Variants in MALRD1 observed in about 807,000 individuals in gnomAD.
MALRD1 encodes the protein MAM and LDL-receptor class A domain-containing protein 1.
In MALRD1, 247 loss-of-function variants were observed where a neutral mutation model predicts 242.1. The ratio of observed to expected loss-of-function variants is 1.02; its 90% CI spans 0.92 to 1.13. The LOEUF is 1.13. Ranked by LOEUF, MALRD1 falls within the 50% of genes most tolerant of loss-of-function variation. The pLI is 0.00. For missense variants in MALRD1, 2,989 were observed against 2,533.1 expected (o/e 1.18, Z -3.86); for synonymous variants, 995 against 866.6 (o/e 1.15, Z -2.60).
At chr10:19,109,633 A>G (rs1836604973) in intron 5 of MALRD1, among the ~76,000 whole-genome samples, 1 of 152,190 alleles carries the variant, frequency 6.6e-6, no homozygotes, top group Admixed American at 6.5e-5. Flanking sequence ...AGCTTCTTGG[A>G]TGGAGAATGG....
Position 19,669,645 on chromosome 10 carries a change from A to G in MALRD1, c.6138-22637A>G, listed in dbSNP as rs1589380888. On this transcript the variant is annotated intron_variant, in intron 36 of 39. Transcript: ENST00000454679. ...TTTAGGAATTAGCCATAAAGCCTAG[A>G]GAACTGAGCAAATGAAAATAAATTA... 3.3e-5 allele frequency among the ~76,000 whole-genome samples: 5 copies of G among 152,372 alleles called. No individual in the cohort carries two copies. In the South Asian group the frequency reaches 1.0e-3, roughly 32 times the overall value.
chr10:19,661,561 C>CA (rs1273026192), intron 36 of MALRD1, among the ~76,000 whole-genome samples: 12 of 152,102 alleles, frequency 7.9e-5, no homozygotes, highest in Admixed American at 5.9e-4. Flanking sequence ...TGCATGTTCT[C>CA]ACTCATAGGT....
intron 29 of MALRD1, among the ~76,000 whole-genome samples, chr10:19,450,700 A>G (rs1008306491): frequency 2.0e-5 from 3 of 152,360 alleles, no homozygotes; most frequent in South Asian, 2.1e-4. Context: ...ACAAAATGCC[A>G]TAAGCTGGGT....
At chr10:19,306,075 C>CTATATACTATATATACTATATATAG (rs756196876) in intron 21 of MALRD1, among the ~76,000 whole-genome samples, 3 of 111,804 alleles carry the variant, frequency 2.7e-5, no homozygotes, top group African/African-American at 1.1e-4. Context: ...ACTATATATA[C>CTATATACTATATATACTATATATAG]TATATACTAT....
chr10:19,550,971 C>T (rs1002165986), intron 32 of MALRD1, among the ~76,000 whole-genome samples: 9 of 152,144 alleles, frequency 5.9e-5, no homozygotes, highest in African/African-American at 2.2e-4. Context: ...ACCTTGCCAG[C>T]ATCTGTTATT....
intron 4 of MALRD1, among the ~76,000 whole-genome samples, chr10:19,097,682 G>A (rs1202750052): frequency 6.6e-6 from 1 of 152,124 alleles, no homozygotes; most frequent in Non-Finnish European, 1.5e-5. Flanking sequence ...CAGAAAGCTA[G>A]GTATTCCTAG....
intron 39 of MALRD1, among the ~76,000 whole-genome samples, chr10:19,731,492 T>TTGTGTGTGTGTGTGTGTGTGTG (rs199973822): frequency 2.1e-4 from 31 of 146,988 alleles, no homozygotes; most frequent in African/African-American, 6.7e-4. Context: ...ATAGTTTACT[T>TTGTGTGTGTGTGTGTGTGTGTG]TGTGTGTGTG....
intron 34 of MALRD1, among the ~76,000 whole-genome samples, chr10:19,599,078 A>G (rs1247432870): frequency 6.6e-6 from 1 of 152,134 alleles, no homozygotes; most frequent in Non-Finnish European, 1.5e-5. Context: ...TTAAGAGCAA[A>G]TGGGAAATGT....
chr10:19,456,769 T>G (rs1040310219), intron 29 of MALRD1, among the ~76,000 whole-genome samples: 1 of 148,878 alleles, frequency 6.7e-6, no homozygotes, highest in Non-Finnish European at 1.5e-5. Flanking sequence ...ATTTATTTAT[T>G]TATTTATTTA....
At chr10:19,622,354 A>G (rs1043478854) in intron 36 of MALRD1, among the ~76,000 whole-genome samples, 5 of 151,780 alleles carry the variant, frequency 3.3e-5, no homozygotes, top group Non-Finnish European at 7.4e-5. Context: ...AAAGGAAAAA[A>G]TGAAAAAACT....
At chr10:19,156,298 C>T (rs1365959222) in intron 12 of MALRD1, among the ~76,000 whole-genome samples, 1 of 150,750 alleles carries the variant, frequency 6.6e-6, no homozygotes, top group Non-Finnish European at 1.5e-5. Flanking sequence ...CTTTTCCTTT[C>T]TTTTGTTTTT....
intron 29 of MALRD1, among the ~76,000 whole-genome samples, chr10:19,456,253 G>T (rs1057356910): frequency 1.3e-5 from 2 of 152,104 alleles, no homozygotes; most frequent in Non-Finnish European, 2.9e-5. Context: ...TAAAATAAAA[G>T]AAGCTGGCAT....
In MALRD1 at chr10:19,723,538, C is replaced by A. The variant is rs1332666227; in HGVS notation, c.6315-7168C>A. Among the ~76,000 whole-genome samples, 2 of 151,948 alleles carry A rather than the reference C, an allele frequency of 1.3e-5. 1 individual carries two copies. Among genetic ancestry groups the A allele is most frequent in the East Asian group, 3.9e-4 (2 of 5,164 alleles). On this transcript the variant is annotated intron_variant, in intron 38 of 39. Transcript: ENST00000454679. ...TGCTTGAGGTCAGGAGTTTTGAGTT[C>A]AAGACCAGACTGGACAATATAGCAA...
At chr10:19,333,039 T>C (rs1011447377) in intron 24 of MALRD1, among the ~76,000 whole-genome samples, 2 of 152,066 alleles carry the variant, frequency 1.3e-5, no homozygotes, top group Non-Finnish European at 2.9e-5. Context: ...CAGGCCCTGG[T>C]GTATGATGTT....
intron 7 of MALRD1, among the ~76,000 whole-genome samples, chr10:19,125,530 CT>C (rs144620475): frequency 6.8e-6 from 1 of 146,160 alleles, no homozygotes; most frequent in African/African-American, 2.5e-5. Flanking sequence ...ATTCTTTTTG[CT>C]TTTTTTTCTT....
At chr10:19,115,370 T>A (rs1836834988) in intron 5 of MALRD1, among the ~76,000 whole-genome samples, 1 of 151,830 alleles carries the variant, frequency 6.6e-6, no homozygotes, top group Admixed American at 6.6e-5. Context: ...CAGACCCCCA[T>A]GACACGAATT....
chr10:19,238,550 A>T (rs1433970024), intron 18 of MALRD1, among the ~76,000 whole-genome samples: 1 of 110,680 alleles, frequency 9.0e-6, no homozygotes, highest in Admixed American at 1.2e-4. Flanking sequence ...ATAATATATA[A>T]TGTATATTAT....
chr10:19,632,014 A>C (rs1025634477), intron 36 of MALRD1, among the ~76,000 whole-genome samples: 1 of 152,130 alleles, frequency 6.6e-6, no homozygotes, highest in Non-Finnish European at 1.5e-5. Context: ...ACCTGGTAGA[A>C]AGAGAATTCA....
intron 24 of MALRD1, among the ~76,000 whole-genome samples, chr10:19,340,883 C>A (rs187299303): frequency 6.6e-6 from 1 of 151,944 alleles, no homozygotes; most frequent in African/African-American, 2.4e-5. Flanking sequence ...GCATTGAGAC[C>A]CCATCTGAGA....
Sources: allele counts gnomAD v4.1 joint callset (sites outside exome capture counted in the v4.1 genomes callset), GRCh38; gene constraint gnomAD v4.1.1; transcripts MANE v1.5; gene names NCBI Gene and HGNC (gene_info 2026-07-23, HGNC 2026-07-21).